The following THADA variants were observed in gnomAD, a reference collection of about 807,000 sequenced individuals.
THADA encodes THADA armadillo repeat containing.
A neutral mutation model predicts 219.8 loss-of-function variants in THADA; 213 were observed. The ratio of observed to expected loss-of-function variants is 0.97; its 90% CI spans 0.87 to 1.09. THADA has a LOEUF of 1.09. Ranked by LOEUF, THADA falls within the 50% of genes least tolerant of loss-of-function variation. The pLI, the probability that THADA is intolerant of heterozygous loss-of-function variation, is 0.00. For missense variants in THADA, 2,956 were observed against 2,311.3 expected (o/e 1.28, Z -5.72); for synonymous variants, 1,018 against 828.9 (o/e 1.23, Z -3.92).
intron 29 of THADA, among the ~76,000 whole-genome samples, chr2:43,364,584 T>C (rs1473818318): frequency 1.3e-4 from 20 of 152,204 alleles, no homozygotes. Flanking sequence ...GCACTAGGCA[T>C]TCTATTATAT....
Position 43,324,924 on chromosome 2 carries a change from G to C in THADA, c.4344-4384C>G, listed in dbSNP as rs535603834. Among the ~76,000 whole-genome samples, 8 of 152,302 alleles carry C rather than the reference G, an allele frequency of 5.3e-5. No homozygotes were observed. The South Asian group carries it at 1.7e-3, about 32-fold the overall frequency. On this transcript the variant is annotated intron_variant, in intron 30 of 37. Coordinates refer to ENST00000405975, the MANE Select transcript of THADA (RefSeq NM_022065.5). Reference sequence around the variant, plus strand: ...GTGATCAGCATGTAGCAGATGCACTGAAAAGCAGCATTACTAGTGGCTTTC... The same window carrying C: ...GTGATCAGCATGTAGCAGATGCACTCAAAAGCAGCATTACTAGTGGCTTTC...
At position 43,230,866 on chromosome 2, in the gene THADA, G is replaced by T. The variant is rs1667331262; in HGVS notation, c.*82C>A. 2.0e-6 allele frequency: 3 copies of T among 1,472,618 alleles called. No individual in the cohort carries two copies. The highest frequency in any genetic ancestry group is 2.7e-6 in the Non-Finnish European group (3 of 1,102,150). 91.2% of individuals were successfully genotyped at this position (1,472,618 alleles called of 1,614,324 possible). ...GAGGCATGAATGGGATAAAATTTTT[G>T]AATTTATGTTCAACATGTTTCCTGC... On this transcript the variant is annotated 3_prime_UTR_variant, in exon 38 of 38. Coordinates refer to ENST00000405975, the MANE Select transcript of THADA (RefSeq NM_022065.5).
At chr2:43,574,291 G>T (rs1433130256) in intron 11 of THADA, 45 bp downstream of exon 11, 11 of 1,305,422 alleles carry the variant, frequency 8.4e-6, no homozygotes, top group Non-Finnish European at 1.1e-5. Context: ...CTACATTTAA[G>T]CATCATAATT....
intron 28 of THADA, among the ~76,000 whole-genome samples, chr2:43,405,166 C>A (rs1250143135): frequency 1.3e-5 from 2 of 152,200 alleles, no homozygotes; most frequent in Non-Finnish European, 1.5e-5. Flanking sequence ...TGGCTTTATT[C>A]TCCAGGTCCA....
chr2:43,317,996 T>A (rs1010311523), intron 31 of THADA, among the ~76,000 whole-genome samples: 1 of 152,182 alleles, frequency 6.6e-6, no homozygotes, highest in African/African-American at 2.4e-5. Context: ...AATGACAGTT[T>A]TACTTTGTTA....
chr2:43,466,878 G>T (rs1247147557), intron 26 of THADA, among the ~76,000 whole-genome samples: 1 of 152,100 alleles, frequency 6.6e-6, no homozygotes, highest in Non-Finnish European at 1.5e-5. Context: ...TAAAGAAAGA[G>T]GATGTGATTA....
At chr2:43,586,783 A>C (rs1467779714) in intron 5 of THADA, 49 bp from the exon 6 acceptor site, 1 of 1,610,680 alleles carries the variant, frequency 6.2e-7, no homozygotes, top group South Asian at 1.1e-5. Flanking sequence ...GACCAAAATC[A>C]ATGTCATTTA....
intron 32 of THADA, 98 bp from the exon 33 acceptor site, chr2:43,292,320 A>G (rs950710640): frequency 3.3e-5 from 26 of 777,130 alleles, no homozygotes; most frequent in Non-Finnish European, 5.0e-5. Flanking sequence ...CAAGAGGTCT[A>G]CCTTTCAAAA....
At chr2:43,298,606 TAA>T in intron 31 of THADA, among the ~76,000 whole-genome samples, 2 of 146,792 alleles carry the variant, frequency 1.4e-5, no homozygotes, top group African/African-American at 5.0e-5. Context: ...AAAAAAAAAT[TAA>T]AAAAAAAAAA....
At chr2:43,582,007 T>C in intron 7 of THADA, 79 bp from the exon 8 acceptor site, 3 of 1,103,388 alleles carry the variant, frequency 2.7e-6, no homozygotes, top group Admixed American at 3.3e-5. Context: ...GCAAAATAAA[T>C]ACATTCCTCA....
At chr2:43,285,401 G>GCT (rs986201437) in intron 35 of THADA, among the ~76,000 whole-genome samples, 3 of 151,822 alleles carry the variant, frequency 2.0e-5, no homozygotes, top group Non-Finnish European at 2.9e-5. Context: ...ACTTCTTCCT[G>GCT]CTCTCTCTCT....
At chr2:43,266,472 T>C (rs1298671739) in intron 36 of THADA, among the ~76,000 whole-genome samples, 2 of 152,124 alleles carry the variant, frequency 1.3e-5, no homozygotes, top group Non-Finnish European at 2.9e-5. Flanking sequence ...GCGTGGTGGC[T>C]GGCACCTGTA....
At chr2:43,353,927 C>T (rs1028090772) in intron 29 of THADA, among the ~76,000 whole-genome samples, 1 of 152,034 alleles carries the variant, frequency 6.6e-6, no homozygotes, top group Non-Finnish European at 1.5e-5. Context: ...ACGCCATTCT[C>T]CTGCCTCAGC....
intron 20 of THADA, among the ~76,000 whole-genome samples, chr2:43,542,714 T>C (rs1203088754): frequency 1.3e-5 from 2 of 152,194 alleles, no homozygotes; most frequent in East Asian, 3.8e-4. Context: ...AGAAGTTGAT[T>C]GCTGCCCAAA....
chr2:43,255,741 T>C (rs1670240098), intron 36 of THADA, among the ~76,000 whole-genome samples: 1 of 152,244 alleles, frequency 6.6e-6, no homozygotes, highest in South Asian at 2.1e-4. Context: ...TCACTCATTA[T>C]CGGGTTTCCA....
chr2:43,240,252 G>A (rs914360681), intron 36 of THADA, among the ~76,000 whole-genome samples: 3 of 152,192 alleles, frequency 2.0e-5, no homozygotes, highest in Non-Finnish European at 4.4e-5. Flanking sequence ...GGCCAGGCAG[G>A]CTGGGGTGGC....
At chr2:43,259,389 T>C (rs562430016) in intron 36 of THADA, among the ~76,000 whole-genome samples, 24 of 152,344 alleles carry the variant, frequency 1.6e-4, no homozygotes, top group African/African-American at 5.8e-4. Context: ...ACAACTGAGA[T>C]AGTACATGAT....
chr2:43,281,184 T>C (rs551705823), intron 35 of THADA, among the ~76,000 whole-genome samples: 26 of 152,362 alleles, frequency 1.7e-4, no homozygotes, highest in African/African-American at 6.0e-4. Flanking sequence ...GCTTTAGTCA[T>C]ACCAATAATA....
chr2:43,348,294 G>C (rs1276654975), intron 29 of THADA, among the ~76,000 whole-genome samples: 1 of 152,186 alleles, frequency 6.6e-6, no homozygotes, highest in African/African-American at 2.4e-5. Flanking sequence ...GCACTCTCTA[G>C]ACCACCGCTG....
Sources: allele counts gnomAD v4.1 joint callset (sites outside exome capture counted in the v4.1 genomes callset), GRCh38; gene constraint gnomAD v4.1.1; transcripts MANE v1.5; gene names NCBI Gene and HGNC (gene_info 2026-07-23, HGNC 2026-07-21).